The following PCDHA4 variants were observed in gnomAD, a reference collection of about 807,000 sequenced individuals.
PCDHA4 encodes protocadherin alpha 4.
A neutral mutation model predicts 61.4 loss-of-function variants in PCDHA4; 49 were observed. That is an observed-to-expected ratio of 0.80 (90% CI 0.63 to 1.01). The LOEUF (loss-of-function observed/expected upper bound fraction) is 1.01, where lower values mean the gene tolerates loss of function less well. Ranked by LOEUF, PCDHA4 falls within the 50% of genes least tolerant of loss-of-function variation. The pLI is 0.00. For synonymous variants in PCDHA4, 590 were observed against 550.3 expected (o/e 1.07, Z -1.01); for missense variants, 1,254 against 1,235.8 (o/e 1.01, Z -0.22).
At chr5:140,869,781 T>G in intron 1 of PCDHA4, 1 of 1,612,992 alleles carries the variant, frequency 6.2e-7, no homozygotes, top group African/African-American at 1.3e-5. Context: ...CTGGCACCGT[T>G]CGGCTGTTAG....
At chr5:140,829,959 G>T (rs1206602805) in intron 1 of PCDHA4, 2 of 1,613,960 alleles carry the variant, frequency 1.2e-6, no homozygotes, top group Non-Finnish European at 1.7e-6. Flanking sequence ...TTCCCGTTTC[G>T]CGTGGGGCTG....
chr5:140,836,541 G>A (rs2150263508), intron 1 of PCDHA4: 2 of 1,613,818 alleles, frequency 1.2e-6, no homozygotes, highest in Non-Finnish European at 1.7e-6. Context: ...GCTGTACACG[G>A]CGTTGCGGTG....
chr5:140,856,780 G>C (rs1015178435), intron 1 of PCDHA4: 1 of 1,596,106 alleles, frequency 6.3e-7, no homozygotes, highest in Non-Finnish European at 8.6e-7. Flanking sequence ...TTGACAGACC[G>C]GTTTATGAAG....
Position 140,962,743 on chromosome 5 carries a change from A to T in PCDHA4, c.2386-16206A>T, listed in dbSNP as rs1298793627. 2.0e-5 allele frequency among the ~76,000 whole-genome samples: 3 copies of T among 152,324 alleles called. No individual in the cohort carries two copies. The East Asian group carries it at 5.8e-4, about 29-fold the overall frequency. On this transcript the variant is annotated intron_variant, in intron 1 of 3. Coordinates refer to ENST00000530339, the MANE Select transcript of PCDHA4 (RefSeq NM_018907.4). Reference sequence around the variant, plus strand: ...ATTTTCCTTCTGGGGATGCATGAAGATCAGGAATCCTATTCGTTTTTAACA... The same window carrying T: ...ATTTTCCTTCTGGGGATGCATGAAGTTCAGGAATCCTATTCGTTTTTAACA...
intron 1 of PCDHA4, among the ~76,000 whole-genome samples, chr5:140,918,002 A>G (rs2153546564): frequency 1.3e-5 from 2 of 152,244 alleles, no homozygotes; most frequent in South Asian, 4.2e-4. Context: ...TATCTTAACA[A>G]TGTTGTTTCT....
In PCDHA4 at chr5:140,823,211, G is replaced by A. The variant is rs2150123519; in HGVS notation, c.2385+13639G>A. The A allele has an allele frequency of 1.9e-5, 30 of 1,613,796 alleles. 2 individuals carry two copies. The South Asian group carries it at 2.7e-4, about 15-fold the overall frequency. ...TGCCACATCTTCACGGTGTCTGCAC[G>A]GGACGCGGACGCGCAGGAGAACGCC... On this transcript the variant is annotated intron_variant, in intron 1 of 3. Transcript: ENST00000530339.
At chr5:140,856,589 A>G in intron 1 of PCDHA4, 1 of 1,597,786 alleles carries the variant, frequency 6.3e-7, no homozygotes, top group Non-Finnish European at 8.6e-7. Flanking sequence ...TGTTCTTGAT[A>G]TTATAAACAA....
At chr5:140,936,773 C>T (rs916525557) in intron 1 of PCDHA4, among the ~76,000 whole-genome samples, 3 of 152,280 alleles carry the variant, frequency 2.0e-5, no homozygotes, top group African/African-American at 7.2e-5. Context: ...TGTAAGTTCT[C>T]TCACTTTGTT....
At chr5:140,883,635 C>T (rs997170789) in intron 1 of PCDHA4, 1 of 1,613,182 alleles carries the variant, frequency 6.2e-7, no homozygotes, top group Non-Finnish European at 8.5e-7. Flanking sequence ...CCGGCGTTCG[C>T]GCAGCCCGAG....
intron 1 of PCDHA4, among the ~76,000 whole-genome samples, chr5:140,920,549 G>T (rs957534849): frequency 6.6e-6 from 1 of 152,120 alleles, no homozygotes; most frequent in Non-Finnish European, 1.5e-5. Flanking sequence ...TTTCACCTTC[G>T]AAGTGTGGCC....
intron 1 of PCDHA4, among the ~76,000 whole-genome samples, chr5:140,944,007 C>T (rs1181625750): frequency 1.3e-5 from 2 of 152,046 alleles, no homozygotes; most frequent in Non-Finnish European, 2.9e-5. Flanking sequence ...TGAGTACCCC[C>T]CAAAAGCAAT....
At chr5:140,926,654 C>G (rs2083445492) in intron 1 of PCDHA4, 1 of 514,022 alleles carries the variant, frequency 1.9e-6, no homozygotes, top group Non-Finnish European at 3.1e-6. Flanking sequence ...GCCGGCTCCG[C>G]TTTCCCAGAC....
chr5:140,837,856 T>A (rs1212589641), intron 1 of PCDHA4, among the ~76,000 whole-genome samples: 1 of 151,590 alleles, frequency 6.6e-6, no homozygotes, highest in African/African-American at 2.4e-5. Context: ...TTTATTTTAT[T>A]TTTGTAGAGA....
rs1207145020 is a variant in PCDHA4, at chr5:140,966,511, A to G, written c.2386-12438A>G. On this transcript the variant is annotated intron_variant, in intron 1 of 3. Coordinates refer to ENST00000530339, the MANE Select transcript of PCDHA4 (RefSeq NM_018907.4). ...CCCCTGGAGCTGTAGCGGCAGCAGC[A>G]GCAGGAAGCCGAGCCGGGTTGAGCG... The G allele has an allele frequency of 7.1e-5, 31 of 433,774 alleles. No homozygotes were observed. In the East Asian group the frequency reaches 1.1e-3, roughly 15 times the overall value. 26.9% of individuals were successfully genotyped at this position (433,774 alleles called of 1,614,324 possible). A position where few individuals can be genotyped will look rare whatever the true frequency, so the allele number is the denominator to read the frequency against.
chr5:140,895,257 T>C (rs1180344268), intron 1 of PCDHA4, among the ~76,000 whole-genome samples: 2 of 152,212 alleles, frequency 1.3e-5, no homozygotes, highest in Non-Finnish European at 1.5e-5. Flanking sequence ...AGCTTTCTTT[T>C]TTTTCTTACT....
At chr5:140,893,011 T>C (rs1194599055) in intron 1 of PCDHA4, among the ~76,000 whole-genome samples, 1 of 152,234 alleles carries the variant, frequency 6.6e-6, no homozygotes, top group Non-Finnish European at 1.5e-5. Flanking sequence ...TATTTTTCTG[T>C]GCCTGACTTA....
intron 3 of PCDHA4, among the ~76,000 whole-genome samples, chr5:140,987,146 G>A (rs942853645): frequency 1.3e-5 from 2 of 151,812 alleles, no homozygotes; most frequent in Non-Finnish European, 2.9e-5. Flanking sequence ...CTCGGGAGGT[G>A]GAGGTTGCAG....
At chr5:140,896,583 G>A (rs557774521) in intron 1 of PCDHA4, among the ~76,000 whole-genome samples, 1 of 151,770 alleles carries the variant, frequency 6.6e-6, no homozygotes, top group South Asian at 2.1e-4. Context: ...TGACGTGTTG[G>A]CCAGGCTGGT....
Position 140,965,232 on chromosome 5 carries a change from G to T in PCDHA4, c.2386-13717G>T, listed in dbSNP as rs192008157. ...TCCTGTGGAAGAAATGTGAGAACCT[G>T]GGAAGAGTGAATATTCAGAACTGAG... On this transcript the variant is annotated intron_variant, in intron 1 of 3. Coordinates refer to ENST00000530339, the MANE Select transcript of PCDHA4 (RefSeq NM_018907.4). Among the ~76,000 whole-genome samples, 4 of 152,312 alleles carry T rather than the reference G, an allele frequency of 2.6e-5. No individual in the cohort carries two copies. In the East Asian group the frequency reaches 7.7e-4, roughly 29 times the overall value.
Sources: gnomAD v4.1 joint callset for allele counts (sites outside exome capture counted in the v4.1 genomes callset) on GRCh38, gnomAD v4.1.1 for gene constraint, MANE v1.5 for transcripts, NCBI Gene and HGNC (gene_info 2026-07-23, HGNC 2026-07-21) for gene names.